The following C6 variants were observed in gnomAD, a reference collection of about 807,000 sequenced individuals.
The protein encoded by C6 is complement component C6.
Under a neutral mutation model 112.9 loss-of-function variants are expected in C6, and 101 were observed. The ratio of observed to expected loss-of-function variants is 0.89; its 90% CI spans 0.76 to 1.06. C6 has a LOEUF of 1.06. Among genes scored for constraint, C6 ranks in the 50% least tolerant of loss-of-function variants. C6 has a pLI of 0.00. For missense variants in C6, 1,202 were observed against 1,104.6 expected (o/e 1.09, Z -1.25); for synonymous variants, 431 against 384.1 (o/e 1.12, Z -1.43).
In C6 at chr5:41,184,922, T is replaced by A. The variant is rs946047000; in HGVS notation, c.726+1148A>T. 8.5e-5 allele frequency among the ~76,000 whole-genome samples: 13 copies of A among 152,176 alleles called. No individual in the cohort carries two copies. In the East Asian group the frequency reaches 2.5e-3, roughly 29 times the overall value. Reference sequence around the variant, plus strand: ...GTATGAAGTGTTATCTAAGCCTCAATTTGCTCCAGCCTCATATACTTCCTT... The same window carrying A: ...GTATGAAGTGTTATCTAAGCCTCAAATTGCTCCAGCCTCATATACTTCCTT... On this transcript the variant is annotated intron_variant, in intron 6 of 17. Coordinates refer to ENST00000337836, the MANE Select transcript of C6 (RefSeq NM_000065.5).
chr5:41,150,193 A>C (rs553442495), intron 15 of C6, among the ~76,000 whole-genome samples, 168 bp from the exon 16 acceptor site: 2 of 152,342 alleles, frequency 1.3e-5, no homozygotes, highest in East Asian at 3.9e-4. Flanking sequence ...TCCACCTGAA[A>C]GGTCCTTTCC....
intron 5 of C6, among the ~76,000 whole-genome samples, chr5:41,192,356 G>T (rs1750282187): frequency 6.6e-6 from 1 of 152,038 alleles, no homozygotes; most frequent in Admixed American, 6.6e-5. Flanking sequence ...TGTTGTTGTT[G>T]CATCTTTATC....
chr5:41,192,810 G>C (rs1451303488), intron 5 of C6, among the ~76,000 whole-genome samples: 1 of 152,112 alleles, frequency 6.6e-6, no homozygotes, highest in African/African-American at 2.4e-5. Context: ...GAAATGTCTA[G>C]AATACACAAA....
At chr5:41,166,861 G>C (rs1440503737) in intron 9 of C6, among the ~76,000 whole-genome samples, 3 of 152,022 alleles carry the variant, frequency 2.0e-5, no homozygotes, top group Non-Finnish European at 4.4e-5. Context: ...CTTCAAAATA[G>C]CTATTACATC....
intron 6 of C6, among the ~76,000 whole-genome samples, chr5:41,183,522 A>C (rs949081416): frequency 6.6e-6 from 1 of 152,140 alleles, no homozygotes; most frequent in East Asian, 1.9e-4. Flanking sequence ...ATGCTAATAC[A>C]CTGTTGGTGA....
chr5:41,206,800 C>A (rs914857817), intron 1 of C6, among the ~76,000 whole-genome samples: 1 of 152,224 alleles, frequency 6.6e-6, no homozygotes, highest in African/African-American at 2.4e-5. Flanking sequence ...GGAAAACACT[C>A]TGCAGGATAT....
chr5:41,227,233 C>T (rs2150409739), intron 1 of C6, among the ~76,000 whole-genome samples: 1 of 152,064 alleles, frequency 6.6e-6, no homozygotes, highest in South Asian at 2.1e-4. Flanking sequence ...TTTCAAATTC[C>T]TGTTGGTCAT....
rs778212785 is a variant in C6 at position 41,149,440 on chromosome 5, G to A, written c.2424C>T (p.Asn808=). The change falls in exon 17 of 18, where the codon AAC becomes AAT. Residue 808 remains asparagine, a synonymous_variant. Coordinates refer to ENST00000337836, the MANE Select transcript of C6 (RefSeq NM_000065.5). ...TACAAGCGGGTGAAGTAAAGTAATC[G>A]TTGGAGTCTGTGTCAAACACACAGA... ...EDLCVFDTDS[N]DYFTSPACKF... 15 of 1,613,992 alleles carry A rather than the reference G, an allele frequency of 9.3e-6. No homozygotes were observed. The highest frequency in any genetic ancestry group is 4.5e-5 in the East Asian group (2 of 44,872).
At chr5:41,211,359 C>T (rs1751911888) in intron 1 of C6, among the ~76,000 whole-genome samples, 1 of 151,980 alleles carries the variant, frequency 6.6e-6, no homozygotes, top group African/African-American at 2.4e-5. Flanking sequence ...TCACGTTGTG[C>T]ACATGTACCC....
chr5:41,239,191 C>T (rs1447053005), intron 1 of C6, among the ~76,000 whole-genome samples: 1 of 146,732 alleles, frequency 6.8e-6, no homozygotes, highest in Non-Finnish European at 1.5e-5. Context: ...TGGTTCACTG[C>T]ACCTCCACCT....
At chr5:41,195,158 C>T (rs1750509226) in intron 5 of C6, among the ~76,000 whole-genome samples, 1 of 152,210 alleles carries the variant, frequency 6.6e-6, no homozygotes, top group African/African-American at 2.4e-5. Context: ...GTCACACAGC[C>T]TATGGGAGAG....
intron 6 of C6, 53 bp from the exon 7 acceptor site, chr5:41,181,612 C>T (rs1468529158): frequency 3.8e-5 from 51 of 1,353,386 alleles, no homozygotes; most frequent in African/African-American, 8.7e-5. Context: ...ACTGGAGCGA[C>T]TTGTGGATAT....
intron 9 of C6, among the ~76,000 whole-genome samples, chr5:41,165,592 T>G (rs1294636007): frequency 3.9e-5 from 6 of 152,294 alleles, no homozygotes; most frequent in Non-Finnish European, 8.8e-5. Context: ...TTTTGCTTAT[T>G]TTACAATTTC....
At chr5:41,190,197 C>T (rs1252624940) in intron 5 of C6, among the ~76,000 whole-genome samples, 1 of 152,148 alleles carries the variant, frequency 6.6e-6, no homozygotes, top group Admixed American at 6.6e-5. Context: ...TACTGGTCTC[C>T]ATAAGAGCTA....
chr5:41,241,107 G>GT (rs1332021484), intron 1 of C6, among the ~76,000 whole-genome samples: 1 of 152,170 alleles, frequency 6.6e-6, no homozygotes, highest in African/African-American at 2.4e-5. Context: ...ATAGGCTGTG[G>GT]TGGGCAAAGT....
intron 1 of C6, among the ~76,000 whole-genome samples, chr5:41,210,066 G>T (rs528741582): frequency 6.6e-6 from 1 of 152,026 alleles, no homozygotes; most frequent in Non-Finnish European, 1.5e-5. Context: ...AATACCACAC[G>T]TCTACAGCCA....
chr5:41,170,516 A>T (rs1463085846), intron 9 of C6, among the ~76,000 whole-genome samples: 2 of 151,978 alleles, frequency 1.3e-5, no homozygotes, highest in East Asian at 3.9e-4. Context: ...ATCTGTATTC[A>T]TATTTTGGTT....
At chr5:41,223,188 G>C (rs577359119) in intron 1 of C6, among the ~76,000 whole-genome samples, 4 of 152,108 alleles carry the variant, frequency 2.6e-5, no homozygotes, top group African/African-American at 9.7e-5. Flanking sequence ...AACAGGTATT[G>C]TTACCACACT....
At chr5:41,202,667 C>T (rs1005845370) in intron 2 of C6, among the ~76,000 whole-genome samples, 1 of 152,116 alleles carries the variant, frequency 6.6e-6, no homozygotes. Flanking sequence ...AGTTTTGTTG[C>T]CATTTTGTAT....
Sources: gnomAD v4.1 joint callset for allele counts (sites outside exome capture counted in the v4.1 genomes callset) on GRCh38, gnomAD v4.1.1 for gene constraint, MANE v1.5 for transcripts, NCBI Gene and HGNC (gene_info 2026-07-23, HGNC 2026-07-21) for gene names.